The following MAPKAPK2 variants were observed in gnomAD, a reference collection of about 807,000 sequenced individuals.
MAPKAPK2 encodes MAP kinase-activated protein kinase 2.
A neutral mutation model predicts 48.8 loss-of-function variants in MAPKAPK2; 9 were observed. The ratio of observed to expected loss-of-function variants is 0.18; its 90% CI spans 0.11 to 0.32. The LOEUF is 0.32. Among genes scored for constraint, MAPKAPK2 ranks in the 10% least tolerant of loss-of-function variants. The pLI is 1.00. For missense variants in MAPKAPK2, 331 were observed against 498.3 expected (o/e 0.66, Z 3.20); for synonymous variants, 202 against 190.6 (o/e 1.06, Z -0.49).
At chr1:206,706,113 C>T (rs1287829716) in intron 1 of MAPKAPK2, among the ~76,000 whole-genome samples, 1 of 145,884 alleles carries the variant, frequency 6.9e-6, no homozygotes, top group East Asian at 2.0e-4. Flanking sequence ...TTTCCTATCT[C>T]TTATTTATTT....
chr1:206,687,696 T>A (rs1176314015), intron 1 of MAPKAPK2, among the ~76,000 whole-genome samples: 4 of 152,214 alleles, frequency 2.6e-5, no homozygotes, highest in Non-Finnish European at 5.9e-5. Context: ...TTCTAGATCT[T>A]GAATTTTGAT....
intron 1 of MAPKAPK2, among the ~76,000 whole-genome samples, chr1:206,685,924 C>T (rs1196893494): frequency 5.9e-5 from 9 of 152,206 alleles, no homozygotes; most frequent in Non-Finnish European, 1.2e-4. Flanking sequence ...GCCCATTACT[C>T]ATTGAGCCGG....
intron 1 of MAPKAPK2, among the ~76,000 whole-genome samples, chr1:206,705,562 C>A (rs1466391372): frequency 6.6e-6 from 1 of 152,154 alleles, no homozygotes. Flanking sequence ...CTTCTCCTTT[C>A]CGATGGGTGC....
chr1:206,697,160 GGA>G, intron 1 of MAPKAPK2, among the ~76,000 whole-genome samples: 1 of 152,282 alleles, frequency 6.6e-6, no homozygotes, highest in East Asian at 1.9e-4. Context: ...TTTGCCCTTT[GGA>G]GAACTTTAAC....
intron 1 of MAPKAPK2, among the ~76,000 whole-genome samples, chr1:206,708,872 A>G (rs1673047817): frequency 6.6e-6 from 1 of 152,234 alleles, no homozygotes; most frequent in African/African-American, 2.4e-5. Flanking sequence ...TGGGATAATC[A>G]GTATGAACTC....
intron 1 of MAPKAPK2, among the ~76,000 whole-genome samples, chr1:206,691,501 A>ATATATATG (rs1194155519): frequency 7.2e-6 from 1 of 139,074 alleles, no homozygotes; most frequent in Non-Finnish European, 1.6e-5. Context: ...ATATATATAT[A>ATATATATG]TATACACACA....
At chr1:206,728,585 T>TG (rs200450969) in intron 1 of MAPKAPK2, 125 bp from the exon 2 acceptor site, 676 of 872,296 alleles carry the variant, frequency 7.7e-4, no homozygotes, top group East Asian at 2.4e-3. Flanking sequence ...AGGGGGCTGG[T>TG]GGGGGGGGCC....
At chr1:206,719,779 G>A (rs573132333) in intron 1 of MAPKAPK2, among the ~76,000 whole-genome samples, 2 of 152,344 alleles carry the variant, frequency 1.3e-5, no homozygotes, top group Admixed American at 1.3e-4. Context: ...ATAAGCAGCT[G>A]TCTGTAATTT....
chr1:206,692,018 T>G (rs1553426380), intron 1 of MAPKAPK2, among the ~76,000 whole-genome samples: 1 of 152,160 alleles, frequency 6.6e-6, no homozygotes, highest in Non-Finnish European at 1.5e-5. Flanking sequence ...AGAATCATAG[T>G]GTAGTGGTGG....
chr1:206,713,725 G>A (rs547128413), intron 1 of MAPKAPK2, among the ~76,000 whole-genome samples: 3 of 152,274 alleles, frequency 2.0e-5, no homozygotes, highest in South Asian at 4.1e-4. Flanking sequence ...AGTTAGCCAG[G>A]CGTGGTGGTG....
intron 1 of MAPKAPK2, among the ~76,000 whole-genome samples, chr1:206,727,707 A>C (rs1673746549): frequency 6.6e-6 from 1 of 151,332 alleles, no homozygotes; most frequent in African/African-American, 2.4e-5. Context: ...TGCAAGCTCC[A>C]CCTCTCAGGG....
intron 1 of MAPKAPK2, among the ~76,000 whole-genome samples, chr1:206,724,475 T>A (rs1454659037): frequency 6.6e-6 from 1 of 152,022 alleles, no homozygotes; most frequent in Non-Finnish European, 1.5e-5. Context: ...GGGCTTTCAT[T>A]GCTTGGGTTG....
rs1259158645 is a variant in MAPKAPK2 at position 206,731,354 on chromosome 1, AT to A, written c.892+93del. On this transcript the variant is annotated intron_variant, in intron 7 of 9. Coordinates refer to ENST00000367103, the MANE Select transcript of MAPKAPK2 (RefSeq NM_032960.4). The surrounding 1 kb of genome is among the most constrained non-coding windows in gnomAD (Gnocchi z 5.9). Reference sequence around the variant, plus strand: ...CACGCAGACACATGTATGGGCCTCCATCTCATGTGCGTGGTGTAACTGTGGG... The same window carrying A: ...CACGCAGACACATGTATGGGCCTCCACTCATGTGCGTGGTGTAACTGTGGG... 2 of 1,573,206 alleles carry A rather than the reference AT, an allele frequency of 1.3e-6. No individual in the cohort carries two copies. Among genetic ancestry groups the A allele is most frequent in the Non-Finnish European group, 1.7e-6 (2 of 1,157,524 alleles).
chr1:206,715,125 A>G (rs1553430140), intron 1 of MAPKAPK2, among the ~76,000 whole-genome samples: 1 of 152,202 alleles, frequency 6.6e-6, no homozygotes, highest in Non-Finnish European at 1.5e-5. Flanking sequence ...GAGAGAGAGC[A>G]TGTGTGTAAA....
chr1:206,729,071 T>G lies in MAPKAPK2; in HGVS notation c.456T>G (p.Asp152Glu). ...DGGELFSRIQ[D>E]RGDQAFTERE... Reference sequence around the variant, plus strand: ...GAGAACTCTTTAGCCGAATCCAGGATCGAGGAGACCAGGCATTCACAGAAA... The same window carrying G: ...GAGAACTCTTTAGCCGAATCCAGGAGCGAGGAGACCAGGCATTCACAGAAA... The change falls in exon 3 of 10, where the codon GAT becomes GAG. Residue 152 changes from aspartate to glutamate, a missense_variant. Asp to Glu is a conservative substitution (Grantham distance 45). Around this residue, in one of 4 missense-constraint regions of MAPKAPK2, gnomAD observed 111 missense variants for 193.6 expected, o/e 0.57. Transcript: ENST00000367103. 6.2e-7 allele frequency: 1 copy of G among 1,614,114 alleles called. No individual in the cohort carries two copies. The highest frequency in any genetic ancestry group is 8.5e-7 in the Non-Finnish European group (1 of 1,180,000).
At chr1:206,714,617 T>G (rs1673267407) in intron 1 of MAPKAPK2, among the ~76,000 whole-genome samples, 1 of 150,250 alleles carries the variant, frequency 6.7e-6, no homozygotes, top group African/African-American at 2.5e-5. Context: ...AAAAAAAAAT[T>G]AGTTGGGTGT....
intron 6 of MAPKAPK2, among the ~76,000 whole-genome samples, 160 bp from the exon 7 acceptor site, chr1:206,730,978 G>A (rs534627825): frequency 9.9e-5 from 15 of 152,270 alleles, no homozygotes; most frequent in Non-Finnish European, 2.1e-4. Context: ...CTGGATTCCC[G>A]GGCCCCGGGC....
intron 3 of MAPKAPK2, 111 bp downstream of exon 3, chr1:206,729,210 T>A (rs1184819742): frequency 8.0e-7 from 1 of 1,248,190 alleles, no homozygotes; most frequent in African/African-American, 1.5e-5. Flanking sequence ...TGCTGCCCCC[T>A]CCAGCATGCT....
chr1:206,712,873 C>T (rs1240234975), intron 1 of MAPKAPK2, among the ~76,000 whole-genome samples: 11 of 151,118 alleles, frequency 7.3e-5, no homozygotes, highest in African/African-American at 2.4e-5. Context: ...GGCTGAGGCA[C>T]GAGAATCTCT....
Sources: allele counts gnomAD v4.1 joint callset (sites outside exome capture counted in the v4.1 genomes callset), GRCh38; gene constraint gnomAD v4.1.1; regional missense constraint gnomAD v4.1.1; non-coding constraint Gnocchi (gnomAD v3.1); transcripts MANE v1.5; gene names NCBI Gene and HGNC (gene_info 2026-07-23, HGNC 2026-07-21).